EXOC6B: variants seen among roughly 807,000 people sequenced by gnomAD.
EXOC6B encodes exocyst complex component 6B.
A neutral mutation model predicts 113.5 loss-of-function variants in EXOC6B; 54 were observed. The observed-to-expected ratio is 0.48, with a 90% CI of 0.38 to 0.60. The LOEUF is 0.60. Ranked by LOEUF, EXOC6B falls within the 20% of genes least tolerant of loss-of-function variation. The probability of loss-of-function intolerance (pLI) is 0.00; values close to 1 mark genes in which losing one functional copy is unlikely to be tolerated. For synonymous variants in EXOC6B, 357 were observed against 339.0 expected (o/e 1.05, Z -0.58); for missense variants, 797 against 977.5 (o/e 0.82, Z 2.46).
intron 8 of EXOC6B, among the ~76,000 whole-genome samples, chr2:72,537,436 T>A (rs1198614098): frequency 1.4e-5 from 2 of 147,938 alleles, no homozygotes; most frequent in South Asian, 2.1e-4. Flanking sequence ...GCAAAACCCC[T>A]GTCTCTACAA....
At chr2:72,275,632 T>G (rs1273671086) in intron 20 of EXOC6B, among the ~76,000 whole-genome samples, 1 of 152,152 alleles carries the variant, frequency 6.6e-6, no homozygotes, top group Non-Finnish European at 1.5e-5. Flanking sequence ...CAATCAGCAC[T>G]AAAAAAGATA....
At chr2:72,296,030 G>A (rs1326344325) in intron 20 of EXOC6B, among the ~76,000 whole-genome samples, 2 of 152,008 alleles carry the variant, frequency 1.3e-5, no homozygotes, top group Non-Finnish European at 2.9e-5. Context: ...GACTAGAGTG[G>A]CTATGGATTT....
At chr2:72,672,538 C>G (rs1675968500) in intron 6 of EXOC6B, among the ~76,000 whole-genome samples, 1 of 63,820 alleles carries the variant, frequency 1.6e-5, no homozygotes. Context: ...CAGAGCGAGA[C>G]TCTGTCTCAA....
intron 6 of EXOC6B, among the ~76,000 whole-genome samples, chr2:72,657,563 T>C (rs1448134466): frequency 8.1e-4 from 77 of 94,570 alleles, no homozygotes; most frequent in African/African-American, 2.6e-3. Context: ...TCCTCTTTCC[T>C]TTTCTTTTTT....
At chr2:72,718,845 TA>T (rs952076177) in intron 5 of EXOC6B, among the ~76,000 whole-genome samples, 1 of 151,798 alleles carries the variant, frequency 6.6e-6, no homozygotes, top group Non-Finnish European at 1.5e-5. Flanking sequence ...GACTCAATCT[TA>T]AAAAAAGAGA....
chr2:72,360,867 C>T (rs1048657771), intron 19 of EXOC6B, among the ~76,000 whole-genome samples: 6 of 145,580 alleles, frequency 4.1e-5, no homozygotes, highest in African/African-American at 1.6e-4. Flanking sequence ...GGAGGCAGAG[C>T]TTGCAGTGAG....
At chr2:72,257,130 G>A (rs528807558) in intron 20 of EXOC6B, among the ~76,000 whole-genome samples, 34 of 152,224 alleles carry the variant, frequency 2.2e-4, no homozygotes, top group South Asian at 1.5e-3. Flanking sequence ...TATGTGACAC[G>A]ACACAGGCCA....
At chr2:72,385,429 G>C (rs551499506) in intron 18 of EXOC6B, among the ~76,000 whole-genome samples, 1 of 149,780 alleles carries the variant, frequency 6.7e-6, no homozygotes, top group African/African-American at 2.4e-5. Flanking sequence ...AGATGAAAAA[G>C]CTCCATGACA....
intron 5 of EXOC6B, among the ~76,000 whole-genome samples, chr2:72,721,498 T>TA (rs1249556659): frequency 1.3e-5 from 2 of 151,506 alleles, no homozygotes; most frequent in Non-Finnish European, 1.5e-5. Context: ...AAATATTTCT[T>TA]AAAAAATAAT....
At chr2:72,403,102 G>A (rs922604946) in intron 18 of EXOC6B, among the ~76,000 whole-genome samples, 1 of 152,200 alleles carries the variant, frequency 6.6e-6, no homozygotes, top group Non-Finnish European at 1.5e-5. Flanking sequence ...TACCTCAGGT[G>A]AAAGATTAGG....
intron 2 of EXOC6B, among the ~76,000 whole-genome samples, chr2:72,738,384 C>T (rs1019522815): frequency 5.3e-5 from 8 of 152,168 alleles, no homozygotes; most frequent in Admixed American, 2.6e-4. Flanking sequence ...TACCATATCT[C>T]ATAAGCATCT....
intron 19 of EXOC6B, among the ~76,000 whole-genome samples, chr2:72,343,691 A>G (rs933655353): frequency 5.9e-5 from 9 of 152,096 alleles, no homozygotes; most frequent in Non-Finnish European, 1.3e-4. Flanking sequence ...TCAGATATGT[A>G]TATAAAATTA....
At chr2:72,401,648 T>TATATAC (rs1693318105) in intron 18 of EXOC6B, among the ~76,000 whole-genome samples, 1 of 51,388 alleles carries the variant, frequency 1.9e-5, no homozygotes, top group Non-Finnish European at 3.2e-5. Flanking sequence ...CATATATACA[T>TATATAC]ATATATATAT....
chr2:72,667,479 A>C (rs575039785), intron 6 of EXOC6B, among the ~76,000 whole-genome samples: 1 of 152,218 alleles, frequency 6.6e-6, no homozygotes, highest in Admixed American at 6.5e-5. Flanking sequence ...AAACTATACT[A>C]TAAGACTACA....
chr2:72,422,842 C>A (rs1038371606), intron 18 of EXOC6B, among the ~76,000 whole-genome samples: 2 of 152,132 alleles, frequency 1.3e-5, no homozygotes, highest in African/African-American at 2.4e-5. Context: ...ACATGGAGAA[C>A]CTTTGTATCT....
At position 72,274,920 on chromosome 2, in the gene EXOC6B, T is replaced by C. The variant is rs374482619; in HGVS notation, c.2196+60027A>G. 2.1e-4 allele frequency among the ~76,000 whole-genome samples: 32 copies of C among 152,260 alleles called. No homozygotes were observed. In the South Asian group the frequency reaches 4.4e-3, roughly 21 times the overall value. ...AAAGTGTAACTTTACCGTGGAATGA[T>C]ATTACATAATTAGAGGGAATAGATA... On this transcript the variant is annotated intron_variant, in intron 20 of 21. Coordinates refer to ENST00000272427, the MANE Select transcript of EXOC6B (RefSeq NM_015189.3).
chr2:72,607,117 G>A (rs569014850), intron 6 of EXOC6B, among the ~76,000 whole-genome samples: 10 of 152,246 alleles, frequency 6.6e-5, no homozygotes, highest in African/African-American at 2.4e-4. Context: ...GGAGAACACA[G>A]AAGAAAAGAA....
chr2:72,308,732 A>G (rs1687026945), intron 20 of EXOC6B, among the ~76,000 whole-genome samples: 1 of 152,172 alleles, frequency 6.6e-6, no homozygotes, highest in Admixed American at 6.5e-5. Context: ...CAATCTCTAT[A>G]TATGTACATT....
intron 6 of EXOC6B, among the ~76,000 whole-genome samples, chr2:72,704,164 T>C (rs1225909605): frequency 1.3e-5 from 2 of 149,560 alleles, no homozygotes; most frequent in South Asian, 2.2e-4. Context: ...GAACTCAGGA[T>C]TAAGAATCTC....
Sources: gnomAD v4.1 joint callset for allele counts (sites outside exome capture counted in the v4.1 genomes callset) on GRCh38, gnomAD v4.1.1 for gene constraint, MANE v1.5 for transcripts, NCBI Gene and HGNC (gene_info 2026-07-23, HGNC 2026-07-21) for gene names.